Variants in PCDH7 observed in about 807,000 individuals in gnomAD.
The protein encoded by PCDH7 is protocadherin 7.
PCDH7 carries 17 observed loss-of-function variants against 58.9 expected under a neutral mutation model. The observed-to-expected ratio is 0.29, with a 90% CI of 0.20 to 0.43. The LOEUF (loss-of-function observed/expected upper bound fraction) is 0.43, where lower values mean the gene tolerates loss of function less well. PCDH7 is among the 20% of genes least tolerant of loss of function. The pLI is 1.00. For synonymous variants in PCDH7, 664 were observed against 616.4 expected (o/e 1.08, Z -1.14); for missense variants, 1,274 against 1,441.0 (o/e 0.88, Z 1.88).
intron 3 of PCDH7, among the ~76,000 whole-genome samples, chr4:30,957,433 A>C (rs563383825): frequency 2.0e-5 from 3 of 152,306 alleles, no homozygotes; most frequent in Admixed American, 1.3e-4. Flanking sequence ...TCAAATAATG[A>C]AGAAGATGCA....
intron 1 of PCDH7, among the ~76,000 whole-genome samples, chr4:30,781,537 AT>A (rs753467213): frequency 0.014 from 1,906 of 131,806 alleles, 19 homozygotes; most frequent in East Asian, 0.042. Context: ...CTATCTCTCT[AT>A]TTTTTTTTTT....
chr4:31,128,101 ATG>A (rs142112056), intron 3 of PCDH7, among the ~76,000 whole-genome samples: 3 of 150,974 alleles, frequency 2.0e-5, no homozygotes, highest in East Asian at 2.0e-4. Flanking sequence ...ATATGTATAT[ATG>A]TGTATATATA....
intron 3 of PCDH7, among the ~76,000 whole-genome samples, chr4:31,046,349 G>A (rs1042428111): frequency 6.6e-6 from 1 of 151,882 alleles, no homozygotes; most frequent in African/African-American, 2.4e-5. Context: ...AGCTCCATCA[G>A]TTAGACTATG....
chr4:30,838,182 T>G (rs1315582871), intron 1 of PCDH7, among the ~76,000 whole-genome samples: 1 of 152,064 alleles, frequency 6.6e-6, no homozygotes, highest in Non-Finnish European at 1.5e-5. Flanking sequence ...TATTATAAAT[T>G]AATGTTCTAA....
At chr4:31,115,612 A>G (rs1389498790) in intron 3 of PCDH7, among the ~76,000 whole-genome samples, 6 of 152,172 alleles carry the variant, frequency 3.9e-5, no homozygotes, top group Non-Finnish European at 5.9e-5. Context: ...AAATTTTACT[A>G]TCAGTAATAA....
At chr4:31,128,806 A>G (rs1560251189) in intron 3 of PCDH7, among the ~76,000 whole-genome samples, 1 of 152,162 alleles carries the variant, frequency 6.6e-6, no homozygotes, top group Admixed American at 6.5e-5. Flanking sequence ...TCCATGGGTT[A>G]TTCCCATTGA....
At chr4:30,744,369 T>C (rs1172598179) in intron 1 of PCDH7, among the ~76,000 whole-genome samples, 1 of 152,348 alleles carries the variant, frequency 6.6e-6, no homozygotes, top group East Asian at 1.9e-4. Context: ...TGTGTCTCCA[T>C]TAACCTATAT....
intron 2 of PCDH7, among the ~76,000 whole-genome samples, chr4:30,921,636 G>A (rs930843265): frequency 5.9e-5 from 9 of 151,994 alleles, no homozygotes; most frequent in Admixed American, 1.3e-4. Flanking sequence ...AGTTAAAATG[G>A]CATTTTGCCT....
In PCDH7 at chr4:30,926,600, A is replaced by G. The variant is rs181428572; in HGVS notation, c.287+6231A>G. 4.5e-4 allele frequency among the ~76,000 whole-genome samples: 68 copies of G among 152,310 alleles called. 1 individual carries two copies. The highest frequency in any genetic ancestry group is 4.0e-3 in the Admixed American group (61 of 15,298). On this transcript the variant is annotated intron_variant, in intron 2 of 3. Coordinates refer to the PCDH7 transcript ENST00000509759. ...AGTATAAATTATATTCTCACCTTAA[A>G]TATTTTCCAGTTAGTTTTTTTTCTT...
chr4:31,129,700 T>G (rs999524994), intron 3 of PCDH7, among the ~76,000 whole-genome samples: 6 of 152,114 alleles, frequency 3.9e-5, no homozygotes, highest in Admixed American at 2.0e-4. Context: ...TGGTGCAATC[T>G]CGGCTCACTG....
At chr4:31,031,941 C>T (rs941296924) in intron 3 of PCDH7, among the ~76,000 whole-genome samples, 2 of 152,146 alleles carry the variant, frequency 1.3e-5, no homozygotes, top group African/African-American at 2.4e-5. Flanking sequence ...ATTTTAATTA[C>T]ACATAAGTAG....
At chr4:30,850,512 C>A (rs1732586589) in intron 1 of PCDH7, among the ~76,000 whole-genome samples, 1 of 152,044 alleles carries the variant, frequency 6.6e-6, no homozygotes, top group African/African-American at 2.4e-5. Flanking sequence ...CATTTAAAGT[C>A]TATAAACCAG....
chr4:31,023,641 G>T (rs143364675), intron 3 of PCDH7, among the ~76,000 whole-genome samples: 3 of 151,980 alleles, frequency 2.0e-5, no homozygotes, highest in Non-Finnish European at 2.9e-5. Context: ...TATTCATTTC[G>T]CTGCTCTCCT....
At chr4:30,954,346 C>A (rs989112883) in intron 3 of PCDH7, among the ~76,000 whole-genome samples, 1 of 152,050 alleles carries the variant, frequency 6.6e-6, no homozygotes, top group Non-Finnish European at 1.5e-5. Flanking sequence ...TAATGAAAGT[C>A]TTCCATATGG....
chr4:30,743,727 T>TAC (rs112207547), intron 1 of PCDH7, among the ~76,000 whole-genome samples: 4,878 of 149,060 alleles, frequency 0.033, 254 homozygotes, highest in East Asian at 0.24. Context: ...CTCTCATACA[T>TAC]ACACACACAC....
chr4:30,960,499 A>G (rs1011904859), intron 3 of PCDH7, among the ~76,000 whole-genome samples: 7 of 152,204 alleles, frequency 4.6e-5, no homozygotes, highest in African/African-American at 1.7e-4. Flanking sequence ...ATAATCATCT[A>G]GAGAACTCTT....
intron 1 of PCDH7, among the ~76,000 whole-genome samples, chr4:30,789,058 G>A (rs776732605): frequency 5.3e-5 from 8 of 152,074 alleles, no homozygotes; most frequent in Non-Finnish European, 1.2e-4. Context: ...ATTGACAGTT[G>A]TTGCTACCTC....
chr4:31,125,769 G>T (rs917435140), intron 3 of PCDH7, among the ~76,000 whole-genome samples: 10 of 152,176 alleles, frequency 6.6e-5, no homozygotes, highest in African/African-American at 2.4e-4. Context: ...CTAATGTTCT[G>T]AGCACCTTCA....
chr4:30,722,439 C>G lies in PCDH7; in HGVS notation c.1017C>G (p.Val339=), dbSNP rs1269445629. ...GCGCAGCCGACTTGGACGTGGGGGT[C>G]AACGGGCAGATCGAATACGTGTTCG... The change falls in exon 1 of 2, where the codon GTC becomes GTG. Residue 339 remains valine, a synonymous_variant. Coordinates refer to ENST00000361762, the Ensembl canonical transcript of PCDH7. The surrounding 1 kb of genome is among the most constrained non-coding windows in gnomAD (Gnocchi z 7.6). The G allele has an allele frequency of 5.6e-6, 9 of 1,612,136 alleles. No individual in the cohort carries two copies. In the African/African-American group the frequency reaches 1.2e-4, roughly 22 times the overall value.
Sources: gnomAD v4.1 joint callset for allele counts (sites outside exome capture counted in the v4.1 genomes callset) on GRCh38, gnomAD v4.1.1 for gene constraint, Gnocchi (gnomAD v3.1) non-coding constraint, MANE v1.5 for transcripts, NCBI Gene and HGNC (gene_info 2026-07-23, HGNC 2026-07-21) for gene names.